IL1R1: variants seen among roughly 807,000 people sequenced by gnomAD.
The protein encoded by IL1R1 is interleukin-1 receptor type 1.
IL1R1 carries 22 observed loss-of-function variants against 50.2 expected under a neutral mutation model. That is an observed-to-expected ratio of 0.44 (90% CI 0.31 to 0.63). The LOEUF is 0.63. Among genes scored for constraint, IL1R1 ranks in the 20% least tolerant of loss-of-function variants. The pLI is 0.07. For missense variants in IL1R1, 509 were observed against 676.2 expected (o/e 0.75, Z 2.74); for synonymous variants, 251 against 236.7 (o/e 1.06, Z -0.55).
intron 3 of IL1R1, 76 bp from the exon 4 acceptor site, chr2:102,164,698 T>C: frequency 1.1e-6 from 1 of 892,374 alleles, no homozygotes. Context: ...AATCAATGTG[T>C]TTCTTCGTAG....
chr2:102,104,391 T>C (rs1481381085), upstream of IL1R1, among the ~76,000 whole-genome samples: 4 of 152,172 alleles, frequency 2.6e-5, no homozygotes, highest in African/African-American at 9.7e-5. Flanking sequence ...GCCAGCAGGC[T>C]TGTCCAGGTT....
At chr2:102,111,354 C>A (rs142455490) in intron 1 of IL1R1, among the ~76,000 whole-genome samples, 2 of 152,122 alleles carry the variant, frequency 1.3e-5, no homozygotes, top group African/African-American at 4.8e-5. Context: ...ATAGGGCTGG[C>A]GACCAGAACA....
intron 1 of IL1R1, among the ~76,000 whole-genome samples, chr2:102,153,260 T>C (rs560383050): frequency 5.3e-5 from 8 of 152,298 alleles, no homozygotes; most frequent in Admixed American, 3.3e-4. Flanking sequence ...ACGGAGATGA[T>C]GCACTGAGCC....
Position 102,108,044 on chromosome 2 carries a change from A to G in IL1R1, c.-84+3172A>G, listed in dbSNP as rs146641946. Among the ~76,000 whole-genome samples the G allele has an allele frequency of 3.8e-3, 575 of 152,348 alleles. 4 individuals carry two copies. Among genetic ancestry groups the G allele is most frequent in the African/African-American group, 0.013 (537 of 41,578 alleles). On this transcript the variant is annotated intron_variant, in intron 1 of 10. Coordinates refer to the IL1R1 transcript ENST00000409329. ...TGTACTGGGAATATAAAGAGGCAAG[A>G]TAGAGGCAAGCTTTTTGAATAGAGG...
chr2:102,084,474 G>A (rs553122269), intron 1 of IL1R1, among the ~76,000 whole-genome samples: 3 of 152,170 alleles, frequency 2.0e-5, no homozygotes, highest in East Asian at 1.9e-4. Flanking sequence ...TGATTTTATC[G>A]CCCCGTACAA....
At position 102,150,602 on chromosome 2, in the gene IL1R1, C is replaced by A. The variant is rs114178368; in HGVS notation, c.-83-3339C>A. ...CAAATACGTCATGATCACCAAACAGCGATGGGGGCTGTATTTGGGAAGATC... is the reference window on the plus strand; with the variant it reads ...CAAATACGTCATGATCACCAAACAGAGATGGGGGCTGTATTTGGGAAGATC... On this transcript the variant is annotated intron_variant, in intron 1 of 11. Coordinates refer to ENST00000410023, the MANE Select transcript of IL1R1 (RefSeq NM_000877.4). Among the ~76,000 whole-genome samples, 622 of 152,274 alleles carry A rather than the reference C, an allele frequency of 4.1e-3. 6 individuals are homozygous for A. Among genetic ancestry groups the A allele is most frequent in the African/African-American group, 0.014 (592 of 41,546 alleles).
intron 2 of IL1R1, among the ~76,000 whole-genome samples, chr2:102,154,667 C>T (rs1025572254): frequency 9.2e-5 from 14 of 152,224 alleles, no homozygotes; most frequent in Admixed American, 7.9e-4. Flanking sequence ...GGCCTGCTCT[C>T]CCTGGCTCCC....
upstream of IL1R1, among the ~76,000 whole-genome samples, chr2:102,100,987 C>T (rs894776309): frequency 4.6e-5 from 7 of 152,112 alleles, no homozygotes; most frequent in African/African-American, 1.7e-4. Flanking sequence ...TCGGGGATGG[C>T]ATGGTTAATT....
chr2:102,139,422 C>G (rs906559350), upstream of IL1R1, among the ~76,000 whole-genome samples: 7 of 152,258 alleles, frequency 4.6e-5, no homozygotes, highest in African/African-American at 1.7e-4. Flanking sequence ...GTGTCCAGAA[C>G]TAGGCTGGGA....
At chr2:102,093,610 C>T (rs1679774318) in intron 1 of IL1R1, among the ~76,000 whole-genome samples, 2 of 152,158 alleles carry the variant, frequency 1.3e-5, no homozygotes, top group South Asian at 2.1e-4. Flanking sequence ...AGCATTTTTT[C>T]GTGTGCTTAT....
chr2:102,097,410 T>C (rs1416904394), intron 1 of IL1R1, among the ~76,000 whole-genome samples: 1 of 152,222 alleles, frequency 6.6e-6, no homozygotes, highest in Admixed American at 6.5e-5. Context: ...GTTTCCTCTA[T>C]TCTGTTCCTG....
At chr2:102,121,942 G>A (rs1681429389) in intron 1 of IL1R1, among the ~76,000 whole-genome samples, 2 of 152,114 alleles carry the variant, frequency 1.3e-5, no homozygotes, top group Non-Finnish European at 2.9e-5. Context: ...CAAGGTAATA[G>A]ATGCCTCTCC....
exon 1 of IL1R1, chr2:102,070,529 T>C (rs1474179108): frequency 6.6e-6 from 1 of 152,126 alleles, no homozygotes; most frequent in Non-Finnish European, 1.5e-5. Context: ...CTTGAGTCAA[T>C]GAGGGTAAGG....
At chr2:102,131,605 A>C (rs1205754352) in intron 1 of IL1R1, among the ~76,000 whole-genome samples, 2 of 151,998 alleles carry the variant, frequency 1.3e-5, no homozygotes, top group Non-Finnish European at 2.9e-5. Context: ...GATATTGCAG[A>C]AGAATAGATC....
At chr2:102,093,275 A>G (rs975579740) in intron 1 of IL1R1, among the ~76,000 whole-genome samples, 14 of 152,352 alleles carry the variant, frequency 9.2e-5, no homozygotes, top group Admixed American at 7.2e-4. Flanking sequence ...AGAAAATGTC[A>G]TCAATCTAGC....
intron 1 of IL1R1, among the ~76,000 whole-genome samples, chr2:102,090,374 C>T (rs1013497031): frequency 2.0e-5 from 3 of 152,256 alleles, no homozygotes; most frequent in African/African-American, 4.8e-5. Flanking sequence ...TTTTGAAAAA[C>T]GTTTGGCCAC....
At chr2:102,156,132 T>C (rs1684167752) in intron 2 of IL1R1, 1 of 152,432 alleles carries the variant, frequency 6.6e-6, no homozygotes, top group Non-Finnish European at 1.5e-5. Flanking sequence ...CTTTCCTTCC[T>C]CTCTATCCTA....
At chr2:102,132,638 A>G (rs1287605219) in intron 1 of IL1R1, among the ~76,000 whole-genome samples, 1 of 152,214 alleles carries the variant, frequency 6.6e-6, no homozygotes, top group Non-Finnish European at 1.5e-5. Flanking sequence ...GACATCAATG[A>G]CACCAAAGCT....
chr2:102,083,804 C>T (rs1679322528), intron 1 of IL1R1, among the ~76,000 whole-genome samples: 1 of 151,962 alleles, frequency 6.6e-6, no homozygotes, highest in African/African-American at 2.4e-5. Context: ...ATTAGCCAGG[C>T]ATGGTGATGG....
Sources: gnomAD v4.1 joint callset for allele counts (sites outside exome capture counted in the v4.1 genomes callset) on GRCh38, gnomAD v4.1.1 for gene constraint, MANE v1.5 for transcripts, NCBI Gene and HGNC (gene_info 2026-07-23, HGNC 2026-07-21) for gene names.